The following GRHL2 variants were observed in gnomAD, a reference collection of about 807,000 sequenced individuals.
The protein encoded by GRHL2 is grainyhead-like protein 2 homolog.
In GRHL2, 21 loss-of-function variants were observed where a neutral mutation model predicts 83.8. The observed-to-expected ratio is 0.25, with a 90% CI of 0.18 to 0.36. The LOEUF (loss-of-function observed/expected upper bound fraction) is 0.36. GRHL2 is among the 10% of genes least tolerant of loss of function. The probability of loss-of-function intolerance (pLI) is 1.00; values close to 1 mark genes in which losing one functional copy is unlikely to be tolerated. For synonymous variants in GRHL2, 280 were observed against 278.9 expected (o/e 1.00, Z -0.04); for missense variants, 623 against 781.8 (o/e 0.80, Z 2.42).
In GRHL2 at chr8:101,558,819, C is replaced by T. The variant is rs780311020; in HGVS notation, c.678+7C>T. 31 of 1,613,620 alleles carry T rather than the reference C, an allele frequency of 1.9e-5. No individual in the cohort carries two copies. The East Asian group carries it at 6.7e-4, about 35-fold the overall frequency. On this transcript the variant is annotated splice_region_variant and intron_variant, in intron 4 of 15. Transcript: ENST00000646743. ...CAAGGACGCAGCCACAGAGGTGAGTCCCAGGCTCCATCGACGGCCAGAACC... is the reference window on the plus strand; with the variant it reads ...CAAGGACGCAGCCACAGAGGTGAGTTCCAGGCTCCATCGACGGCCAGAACC...
chr8:101,636,880 ATT>A lies in GRHL2; in HGVS notation c.1486-16_1486-15del. The stretch of plus-strand genomic sequence containing the variant: ...CTTGTCTCTGACCTACAGTAAGCCT[ATT>A]GTTTTGTTCCACAGGTGTATTACAA... On this transcript the variant is annotated splice_polypyrimidine_tract_variant and intron_variant, in intron 11 of 15. Transcript: ENST00000646743. 1 of 1,611,562 alleles carries A rather than the reference ATT, an allele frequency of 6.2e-7. No homozygotes were observed. The highest frequency in any genetic ancestry group is 1.3e-5 in the African/African-American group (1 of 74,940).
chr8:101,573,763 C>A lies in GRHL2; in HGVS notation c.830C>A (p.Ala277Asp), dbSNP rs1232215185. 8 of 1,614,170 alleles carry A rather than the reference C, an allele frequency of 5.0e-6. No homozygotes were observed. Among genetic ancestry groups the A allele is most frequent in the Non-Finnish European group, 5.9e-6 (7 of 1,180,032 alleles). The change falls in exon 6 of 16, where the codon GCC (alanine) becomes GAC (aspartate). Residue 277 changes from alanine (A) to aspartate (D), a missense_variant. Coordinates refer to ENST00000646743, the MANE Select transcript of GRHL2 (RefSeq NM_024915.4). ...TACCTCAACAAAGGACAGTTCTATG[C>A]CATAACACTCAGCGAGACCGGAGAC... The part of the protein sequence containing the change: ...MTYLNKGQFY[A>D]ITLSETGDNK...
Position 101,558,501 on chromosome 8 carries a change from A to G in GRHL2, c.367A>G (p.Asn123Asp). 6.2e-7 allele frequency: 1 copy of G among 1,614,172 alleles called. No homozygotes were observed. The highest frequency in any genetic ancestry group is 8.5e-7 in the Non-Finnish European group (1 of 1,180,032). ...RVQVLKTVPV[N>D]LSLNQDHLEN... is the part of the protein sequence containing the mutation. ...GCAAGTCCTAAAGACTGTTCCAGTG[A>G]ACCTTTCCCTAAATCAAGATCACCT... The change falls in exon 4 of 16, where the codon AAC becomes GAC. Residue 123 changes from asparagine (N) to aspartate (D), a missense_variant. Coordinates refer to ENST00000646743, the MANE Select transcript of GRHL2 (RefSeq NM_024915.4).
At chr8:101,576,483 G>T (rs766403515) in intron 6 of GRHL2, among the ~76,000 whole-genome samples, 1 of 152,148 alleles carries the variant, frequency 6.6e-6, no homozygotes, top group Non-Finnish European at 1.5e-5. Context: ...GTTTCCCAAA[G>T]TGTTGGGATT....
At chr8:101,641,069 C>T (rs1340375589) in intron 12 of GRHL2, among the ~76,000 whole-genome samples, 1 of 152,028 alleles carries the variant, frequency 6.6e-6, no homozygotes, top group Non-Finnish European at 1.5e-5. Flanking sequence ...TCATGACTTG[C>T]AATTTTGAGC....
chr8:101,640,924 T>C lies in GRHL2; in HGVS notation c.1518-3207T>C, dbSNP rs182328492. 2.0e-3 allele frequency among the ~76,000 whole-genome samples: 309 copies of C among 152,320 alleles called. 1 individual carries two copies. The highest frequency in any genetic ancestry group is 7.1e-3 in the African/African-American group (295 of 41,574). On this transcript the variant is annotated intron_variant, in intron 12 of 15. Transcript: ENST00000646743. Reference sequence around the variant, plus strand: ...ACCATGATCTCCCTTGGAACCACCATGTATAATCTCTTCAATGGTTTTTCA... The same window carrying C: ...ACCATGATCTCCCTTGGAACCACCACGTATAATCTCTTCAATGGTTTTTCA...
At chr8:101,551,997 A>T (rs567400007) in intron 2 of GRHL2, among the ~76,000 whole-genome samples, 3 of 151,784 alleles carry the variant, frequency 2.0e-5, no homozygotes, top group African/African-American at 4.8e-5. Flanking sequence ...CACCACGCCC[A>T]GCTAATTTTT....
intron 1 of GRHL2, among the ~76,000 whole-genome samples, chr8:101,541,086 C>T (rs889105637): frequency 6.6e-5 from 10 of 151,316 alleles, no homozygotes; most frequent in South Asian, 4.2e-4. Flanking sequence ...CCTCCAGTTC[C>T]GTCACTGTTG....
intron 14 of GRHL2, among the ~76,000 whole-genome samples, chr8:101,651,439 G>GT (rs2129701689): frequency 6.6e-6 from 1 of 152,354 alleles, no homozygotes; most frequent in South Asian, 2.1e-4. Flanking sequence ...GATGAGCTAG[G>GT]TGTGAGAACC....
intron 7 of GRHL2, among the ~76,000 whole-genome samples, chr8:101,586,571 G>C (rs1812176452): frequency 6.6e-6 from 1 of 152,238 alleles, no homozygotes; most frequent in Admixed American, 6.5e-5. Context: ...GCACTTGGCA[G>C]TGTTTCACTT....
chr8:101,612,266 A>T (rs1812765219), intron 8 of GRHL2, among the ~76,000 whole-genome samples: 1 of 151,074 alleles, frequency 6.6e-6, no homozygotes. Flanking sequence ...CTGGGATTAT[A>T]GGCGTGAGCC....
At chr8:101,567,112 T>C (rs985842003) in intron 4 of GRHL2, among the ~76,000 whole-genome samples, 3 of 152,242 alleles carry the variant, frequency 2.0e-5, no homozygotes, top group Non-Finnish European at 4.4e-5. Flanking sequence ...TTTTGAGACA[T>C]ATTCTTACCA....
chr8:101,577,817 G>A (rs1351525413), intron 7 of GRHL2, among the ~76,000 whole-genome samples: 1 of 152,158 alleles, frequency 6.6e-6, no homozygotes, highest in Admixed American at 6.5e-5. Flanking sequence ...TGGCCTCCCC[G>A]TTTGAGCCTA....
intron 7 of GRHL2, among the ~76,000 whole-genome samples, chr8:101,580,555 A>G (rs1389090443): frequency 2.0e-5 from 3 of 152,082 alleles, no homozygotes; most frequent in African/African-American, 7.2e-5. Flanking sequence ...GCGCCTGGCC[A>G]AAATAACCCA....
Position 101,546,101 on chromosome 8 carries a change from C to T in GRHL2, c.216+2665C>T, listed in dbSNP as rs149908129. Among the ~76,000 whole-genome samples, 960 of 151,932 alleles carry T rather than the reference C, an allele frequency of 6.3e-3. 14 individuals are homozygous for T. The highest frequency in any genetic ancestry group is 0.021 in the African/African-American group (858 of 41,452). On this transcript the variant is annotated intron_variant, in intron 2 of 15. Transcript: ENST00000646743. Reference sequence around the variant, plus strand: ...TTCGCCATATTGGCCAGGATGGTCTCGATCTCTTGACCTCGTGATCTGCCC... The same window carrying T: ...TTCGCCATATTGGCCAGGATGGTCTTGATCTCTTGACCTCGTGATCTGCCC...
intron 14 of GRHL2, among the ~76,000 whole-genome samples, chr8:101,658,620 C>T (rs574620665): frequency 3.9e-5 from 6 of 152,228 alleles, no homozygotes; most frequent in Middle Eastern, 3.4e-3. Context: ...ATTTGTGAGC[C>T]GAGGTGTTCC....
intron 7 of GRHL2, among the ~76,000 whole-genome samples, chr8:101,583,397 G>T (rs572448741): frequency 6.6e-6 from 1 of 152,338 alleles, no homozygotes; most frequent in African/African-American, 2.4e-5. Flanking sequence ...CTGATTGGCT[G>T]TGGGGGATAC....
At chr8:101,506,168 A>G (rs1398081330) in intron 1 of GRHL2, among the ~76,000 whole-genome samples, 1 of 152,230 alleles carries the variant, frequency 6.6e-6, no homozygotes, top group Non-Finnish European at 1.5e-5. Flanking sequence ...CTAGCTTTCA[A>G]TGCTATTGCC....
chr8:101,631,741 C>A lies in GRHL2; in HGVS notation c.1345+17C>A. The stretch of plus-strand genomic sequence containing the variant: ...GCAACAGCTGTGAGTTTCACTGAGA[C>A]TAATGTTGCTTTCTAAAGACTCCAG... On this transcript the variant is annotated intron_variant, in intron 10 of 15. Transcript: ENST00000646743. The A allele has an allele frequency of 6.2e-7, 1 of 1,600,676 alleles. No homozygotes were observed. Among genetic ancestry groups the A allele is most frequent in the Non-Finnish European group, 8.6e-7 (1 of 1,167,998 alleles).
Sources: gnomAD v4.1 joint callset for allele counts (sites outside exome capture counted in the v4.1 genomes callset) on GRCh38, gnomAD v4.1.1 for gene constraint, MANE v1.5 for transcripts, NCBI Gene and HGNC (gene_info 2026-07-23, HGNC 2026-07-21) for gene names.